SLC25A25: variants seen among roughly 807,000 people sequenced by gnomAD.
The protein encoded by SLC25A25 is mitochondrial adenyl nucleotide antiporter SLC25A25.
In SLC25A25, 32 loss-of-function variants were observed where a neutral mutation model predicts 57.7. The ratio of observed to expected loss-of-function variants is 0.55; its 90% CI spans 0.42 to 0.74. SLC25A25 has a LOEUF of 0.74. Among genes scored for constraint, SLC25A25 ranks in the 30% least tolerant of loss-of-function variants. The pLI, the probability that SLC25A25 is intolerant of heterozygous loss-of-function variation, is 0.00. For missense variants in SLC25A25, 556 were observed against 701.3 expected (o/e 0.79, Z 2.34); for synonymous variants, 306 against 291.2 (o/e 1.05, Z -0.52).
At chr9:128,086,851 C>G (rs1038461987) in intron 1 of SLC25A25, among the ~76,000 whole-genome samples, 19 of 152,162 alleles carry the variant, frequency 1.2e-4, no homozygotes, top group African/African-American at 4.6e-4. Context: ...ATGCATTTTA[C>G]TGTTACACAC....
At chr9:128,072,990 T>G (rs963853526) in intron 1 of SLC25A25, among the ~76,000 whole-genome samples, 2 of 152,216 alleles carry the variant, frequency 1.3e-5, no homozygotes, top group African/African-American at 4.8e-5. Context: ...CTAGATGAGC[T>G]GCAGTTTGCT....
Position 128,102,312 on chromosome 9 carries a change from G to T in SLC25A25, c.513-58G>T, listed in dbSNP as rs1833834269. The T allele has an allele frequency of 2.0e-6, 3 of 1,510,094 alleles. No homozygotes were observed. Among genetic ancestry groups the T allele is most frequent in the Non-Finnish European group, 2.8e-6 (3 of 1,090,204 alleles). The allele number at this position is 1,510,094 out of a possible 1,614,324, so 93.5% of individuals were successfully genotyped here. A position where few individuals can be genotyped will look rare whatever the true frequency, so the allele number is the denominator to read the frequency against. The stretch of plus-strand genomic sequence containing the variant: ...GCCCTTGGCTCACTGGGAGGTGGGG[G>T]GATGCAGCTGGCGGATGGGCATGTG... On this transcript the variant is annotated intron_variant, in intron 4 of 10. Transcript: ENST00000373069. The surrounding 1 kb of genome is among the most constrained non-coding windows in gnomAD (Gnocchi z 4.1).
rs116118978 is a variant in SLC25A25 at position 128,081,226 on chromosome 9, C to T, written c.261+12646C>T. On this transcript the variant is annotated intron_variant, in intron 1 of 10. Transcript: ENST00000373069. ...TAAGGCAGCCCAGGGAGGGTTTCACCCCCTTGACCTCTCTCCTGCCTGCAG... is the reference window on the plus strand; with the variant it reads ...TAAGGCAGCCCAGGGAGGGTTTCACTCCCTTGACCTCTCTCCTGCCTGCAG... Among the ~76,000 whole-genome samples the T allele has an allele frequency of 2.6e-3, 398 of 152,284 alleles. 2 individuals are homozygous for T. The highest frequency in any genetic ancestry group is 9.2e-3 in the African/African-American group (381 of 41,562).
At position 128,093,232 on chromosome 9, in the gene SLC25A25, C is replaced by T. The variant is rs564426795; in HGVS notation, c.262-7864C>T. ...CTTCTGAGCAAAGCAGTGGGTCTCT[C>T]AGAGACTGTTATGCCTGAGATGTCT... On this transcript the variant is annotated intron_variant, in intron 1 of 10. Transcript: ENST00000373069. Among the ~76,000 whole-genome samples, 186 of 142,750 alleles carry T rather than the reference C, an allele frequency of 1.3e-3. 3 individuals carry two copies. In the East Asian group the frequency reaches 0.03, roughly 23 times the overall value. The allele number at this position is 142,750 out of a possible 152,430, so 93.6% of individuals were successfully genotyped here.
intron 1 of SLC25A25, among the ~76,000 whole-genome samples, chr9:128,084,156 C>T (rs1368858646): frequency 2.0e-5 from 3 of 151,992 alleles, no homozygotes; most frequent in Non-Finnish European, 4.4e-5. Flanking sequence ...TCCAAGTAAA[C>T]GCGAAAAACT....
chr9:128,105,185 T>C (rs1311718116), intron 6 of SLC25A25, among the ~76,000 whole-genome samples: 2 of 125,704 alleles, frequency 1.6e-5, no homozygotes, highest in East Asian at 2.2e-4. Context: ...TTTTTTTTTT[T>C]TCTAAAATAG....
At chr9:128,098,395 G>T in intron 1 of SLC25A25, 1 of 1,310,612 alleles carries the variant, frequency 7.6e-7, no homozygotes, top group Non-Finnish European at 9.9e-7. Context: ...CTGTTGGCAG[G>T]ACTTGCCGTG....
intron 1 of SLC25A25, among the ~76,000 whole-genome samples, chr9:128,096,014 G>T (rs1317449831): frequency 6.6e-6 from 1 of 151,946 alleles, no homozygotes; most frequent in African/African-American, 2.4e-5. Flanking sequence ...TTTTATATTA[G>T]AATGACTGCA....
At chr9:128,098,499 G>A (rs1207681572) in intron 1 of SLC25A25, 8 of 1,548,148 alleles carry the variant, frequency 5.2e-6, no homozygotes, top group Non-Finnish European at 7.0e-6. Context: ...AAGTTTCCCG[G>A]GACCGGCAGC....
intron 1 of SLC25A25, among the ~76,000 whole-genome samples, chr9:128,088,866 A>G (rs896950410): frequency 6.7e-6 from 1 of 149,630 alleles, no homozygotes; most frequent in Non-Finnish European, 1.5e-5. Flanking sequence ...AAACATCACT[A>G]TCTCCTCCAT....
At chr9:128,070,794 ATAC>A (rs1187702258) in intron 1 of SLC25A25, among the ~76,000 whole-genome samples, 2 of 151,768 alleles carry the variant, frequency 1.3e-5, no homozygotes, top group Admixed American at 1.3e-4. Context: ...TCTACTAAAA[ATAC>A]AAAATTAACG....
intron 1 of SLC25A25, among the ~76,000 whole-genome samples, chr9:128,080,277 G>A (rs529423403): frequency 4.0e-5 from 6 of 149,002 alleles, no homozygotes; most frequent in Non-Finnish European, 5.9e-5. Context: ...AAAAACCCAG[G>A]AGGTGGAGGT....
intron 1 of SLC25A25, among the ~76,000 whole-genome samples, chr9:128,092,500 G>C (rs1833438875): frequency 6.6e-6 from 1 of 151,936 alleles, no homozygotes; most frequent in African/African-American, 2.4e-5. Flanking sequence ...TGTGGGGGTG[G>C]TCTTGGCATC....
intron 1 of SLC25A25, among the ~76,000 whole-genome samples, chr9:128,094,864 A>G (rs1036863092): frequency 2.0e-5 from 3 of 152,238 alleles, no homozygotes; most frequent in Admixed American, 6.5e-5. Flanking sequence ...ATCTGATGCC[A>G]CTGAATCCTA....
At position 128,092,005 on chromosome 9, in the gene SLC25A25, G is replaced by A. The variant is rs202071258; in HGVS notation, c.262-9091G>A. 17 of 1,613,858 alleles carry A rather than the reference G, an allele frequency of 1.1e-5. No homozygotes were observed. In the Admixed American group the frequency reaches 2.8e-4, roughly 27 times the overall value. Reference sequence around the variant, plus strand: ...GGAGAGACCAGATGGCAAGCTTTTTGGGGAAACAGGACGGAAGGGCTGAGG... The same window carrying A: ...GGAGAGACCAGATGGCAAGCTTTTTAGGGAAACAGGACGGAAGGGCTGAGG... On this transcript the variant is annotated intron_variant, in intron 1 of 10. Transcript: ENST00000373069.
rs1045811343 is a variant in SLC25A25, at chr9:128,108,263, G to A, written c.*819G>A. ...CATGTTTGAGGGCGAAGGGCAGAGC[G>A]TTTGTGTGTTCTGGGGAGGGAAGGA... On this transcript the variant is annotated 3_prime_UTR_variant, in exon 11 of 11. Coordinates refer to ENST00000373069, the MANE Select transcript of SLC25A25 (RefSeq NM_001330988.2). 4.8e-5 allele frequency: 19 copies of A among 399,116 alleles called. No individual in the cohort carries two copies. Among genetic ancestry groups the A allele is most frequent in the Admixed American group, 8.8e-5 (2 of 22,722 alleles). 24.7% of individuals were successfully genotyped at this position (399,116 alleles called of 1,614,324 possible). A position where few individuals can be genotyped will look rare whatever the true frequency, so the allele number is the denominator to read the frequency against.
At chr9:128,091,398 G>GATTGGCCGGGCTCTGCTGCAGTGAGA in intron 1 of SLC25A25, 3 of 980,538 alleles carry the variant, frequency 3.1e-6, no homozygotes, top group Non-Finnish European at 3.6e-6. Flanking sequence ...CGGCAGAGGT[G>GATTGGCCGGGCTCTGCTGCAGTGAGA]ATTGGCCGGG....
Position 128,082,097 on chromosome 9 carries a change from C to T in SLC25A25, c.261+13517C>T, listed in dbSNP as rs569655214. Among the ~76,000 whole-genome samples, 4 of 152,236 alleles carry T rather than the reference C, an allele frequency of 2.6e-5. No homozygotes were observed. The South Asian group carries it at 8.3e-4, about 32-fold the overall frequency. On this transcript the variant is annotated intron_variant, in intron 1 of 10. Transcript: ENST00000373069. ...TGCATTCACCTTGAACTTGGGACCT[C>T]GAAGGGGACTGGCTTTTCACCAGGA...
At chr9:128,090,129 C>A (rs765573058) in intron 1 of SLC25A25, among the ~76,000 whole-genome samples, 1 of 152,076 alleles carries the variant, frequency 6.6e-6, no homozygotes, top group Non-Finnish European at 1.5e-5. Flanking sequence ...TTCCAGAGGC[C>A]GTCTTCACAA....
Sources: allele counts gnomAD v4.1 joint callset (sites outside exome capture counted in the v4.1 genomes callset), GRCh38; gene constraint gnomAD v4.1.1; non-coding constraint Gnocchi (gnomAD v3.1); transcripts MANE v1.5; gene names NCBI Gene and HGNC (gene_info 2026-07-23, HGNC 2026-07-21).